The following SPO11 variants were observed in gnomAD, a reference collection of about 807,000 sequenced individuals.
SPO11 encodes the protein SPO11 initiator of meiotic double strand breaks.
SPO11 carries 49 observed loss-of-function variants against 51.6 expected under a neutral mutation model. The observed-to-expected ratio is 0.95, with a 90% CI of 0.75 to 1.20. The LOEUF (loss-of-function observed/expected upper bound fraction) is 1.20, where lower values mean the gene tolerates loss of function less well. SPO11 is among the 50% of genes most tolerant of loss of function. The pLI, the probability that SPO11 is intolerant of heterozygous loss-of-function variation, is 0.00. For missense variants in SPO11, 431 were observed against 473.4 expected, an observed-to-expected ratio of 0.91 and a Z score of 0.83; for synonymous variants, 176 against 158.2, an observed-to-expected ratio of 1.11 and a Z score of -0.84.
chr20:57,336,477 T>G (rs529149151), intron 8 of SPO11, among the ~76,000 whole-genome samples: 1 of 152,320 alleles, frequency 6.6e-6, no homozygotes, highest in African/African-American at 2.4e-5. Flanking sequence ...CACACCAGAC[T>G]TGTCATTTCC....
At chr20:57,332,587 A>G (rs1049158349) in intron 2 of SPO11, among the ~76,000 whole-genome samples, 1 of 152,340 alleles carries the variant, frequency 6.6e-6, no homozygotes, top group Non-Finnish European at 1.5e-5. Flanking sequence ...TTTATGATCT[A>G]TATAAGTAAT....
intron 12 of SPO11, 94 bp downstream of exon 12, chr20:57,342,934 G>A: frequency 1.2e-6 from 1 of 852,508 alleles, no homozygotes; most frequent in Non-Finnish European, 1.9e-6. Context: ...TATCCCTCTT[G>A]AAATTTTATA....
chr20:57,334,108 TA>T lies in SPO11; in HGVS notation c.510+15del. The T allele has an allele frequency of 8.1e-7, 1 of 1,227,130 alleles. No individual in the cohort carries two copies. The highest frequency in any genetic ancestry group is 1.1e-6 in the Non-Finnish European group (1 of 878,140). 76.0% of individuals were successfully genotyped at this position (1,227,130 alleles called of 1,614,324 possible). The stretch of plus-strand genomic sequence containing the variant: ...GAGTCTACATATAGTAAGTAGTACC[TA>T]ATACAAAACATTTTATTTTAAAACA... On this transcript the variant is annotated intron_variant, in intron 5 of 12. Coordinates refer to ENST00000371263, the MANE Select transcript of SPO11 (RefSeq NM_012444.3).
In SPO11 at chr20:57,329,960, C is replaced by G. The variant is rs1347279495; in HGVS notation, c.93C>G (p.Gly31=). The G allele has an allele frequency of 6.2e-7, 1 of 1,611,326 alleles. No individual in the cohort carries two copies. The highest frequency in any genetic ancestry group is 8.5e-7 in the Non-Finnish European group (1 of 1,179,278). The stretch of plus-strand genomic sequence containing the variant: ...TGCTGGCTGCCCTGAGGAGAGGTGG[C>G]AGGGAGCCCCCAACTGGGGGAAGCC... ...ESLLAALRRG[G]REPPTGGSRL... Residue 31 remains glycine (G), a synonymous_variant, in exon 1 of 13, where the codon GGC becomes GGG. Transcript: ENST00000371263.
intron 8 of SPO11, among the ~76,000 whole-genome samples, chr20:57,336,815 A>G (rs1313131193): frequency 6.6e-6 from 1 of 152,230 alleles, no homozygotes; most frequent in African/African-American, 2.4e-5. Context: ...TAAGCACTTG[A>G]CATAGTAAGA....
chr20:57,329,862 G>T lies in SPO11; in HGVS notation c.-6G>T. The T allele has an allele frequency of 6.2e-7, 1 of 1,611,362 alleles. No individual in the cohort carries two copies. Among genetic ancestry groups the T allele is most frequent in the Non-Finnish European group, 8.5e-7 (1 of 1,178,446 alleles). ...CTTCTGGAGCTTCTGGCAGCCGTCT[G>T]CCCTCATGGCCTTTGCACCTATGGG... On this transcript the variant is annotated 5_prime_UTR_variant, in exon 1 of 13. Transcript: ENST00000371263.
At chr20:57,338,149 C>T (rs1203028820) in intron 8 of SPO11, 127 bp from the exon 9 acceptor site, 3 of 727,304 alleles carry the variant, frequency 4.1e-6, no homozygotes, top group Non-Finnish European at 6.7e-6. Context: ...CCTTGGCCTC[C>T]CAACGTGCTG....
intron 11 of SPO11, among the ~76,000 whole-genome samples, chr20:57,340,985 T>G (rs2066574794): frequency 6.6e-6 from 1 of 152,226 alleles, no homozygotes; most frequent in African/African-American, 2.4e-5. Context: ...AAATATCACC[T>G]ACAGATCAGC....
Position 57,343,600 on chromosome 20 carries a change from A to T in SPO11, c.*140A>T, listed in dbSNP as rs16980916. On this transcript the variant is annotated 3_prime_UTR_variant, in exon 13 of 13. Transcript: ENST00000371263. ...TAAAATAACTTTCCGTTAATTATAT[A>T]TTTTTGTCAAAACAAATGCTGTACT... 0.026 allele frequency: 27,239 copies of T among 1,037,604 alleles called. 525 individuals carry two copies. The highest frequency in any genetic ancestry group is 0.089 in the African/African-American group (5,264 of 58,888). 64.3% of individuals were successfully genotyped at this position (1,037,604 alleles called of 1,614,324 possible).
chr20:57,343,076 G>A (rs990996972), intron 12 of SPO11, among the ~76,000 whole-genome samples: 2 of 152,042 alleles, frequency 1.3e-5, no homozygotes, highest in African/African-American at 4.8e-5. Flanking sequence ...ACACATTCTT[G>A]ATGGCTGTAT....
At position 57,338,339 on chromosome 20, in the gene SPO11, G is replaced by A. The variant is rs1351717952; in HGVS notation, c.808G>A (p.Val270Ile). The A allele has an allele frequency of 6.2e-7, 1 of 1,613,722 alleles. No homozygotes were observed. The highest frequency in any genetic ancestry group is 8.5e-7 in the Non-Finnish European group (1 of 1,179,808). ...CAAGAAACTGTGGGATACATTTCATGTTCCTGTTTTCACTCTTGTAGATGC... is the reference window on the plus strand; with the variant it reads ...CAAGAAACTGTGGGATACATTTCATATTCCTGTTTTCACTCTTGTAGATGC... ...LVKKLWDTFH[V>I]PVFTLVDADP... Residue 270 changes from valine to isoleucine, a missense_variant, in exon 9 of 13, where the codon GTT becomes ATT. This residue lies in a region of SPO11 where 405 missense variants were observed against 425.9 expected (regional missense o/e 0.95). Transcript: ENST00000371263.
At position 57,342,369 on chromosome 20, in the gene SPO11, G is replaced by T. The variant is rs371281831; in HGVS notation, c.960-360G>T. Among the ~76,000 whole-genome samples the T allele has an allele frequency of 6.3e-4, 96 of 152,354 alleles. 2 individuals carry two copies. In the East Asian group the frequency reaches 0.017, roughly 27 times the overall value. ...CCAGAAGAGTGTGAAGCTCTGAGAGGCTTAATGTACATTATTAAGCTGCCC... is the reference window on the plus strand; with the variant it reads ...CCAGAAGAGTGTGAAGCTCTGAGAGTCTTAATGTACATTATTAAGCTGCCC... On this transcript the variant is annotated intron_variant, in intron 11 of 12. Transcript: ENST00000371263.
intron 12 of SPO11, among the ~76,000 whole-genome samples, chr20:57,343,067 C>A (rs1369012778): frequency 6.6e-6 from 1 of 152,012 alleles, no homozygotes; most frequent in African/African-American, 2.4e-5. Flanking sequence ...TGGTTATATA[C>A]ACATTCTTGA....
At chr20:57,331,299 A>G (rs956177607) in intron 1 of SPO11, among the ~76,000 whole-genome samples, 2 of 152,254 alleles carry the variant, frequency 1.3e-5, no homozygotes, top group South Asian at 2.1e-4. Flanking sequence ...TTGTATCGCT[A>G]AATTTCAAAA....
chr20:57,339,132 A>G (rs1024901678), intron 10 of SPO11, 106 bp downstream of exon 10: 7 of 663,288 alleles, frequency 1.1e-5, no homozygotes, highest in Admixed American at 6.7e-5. Flanking sequence ...GAGAGTGCCC[A>G]AAGTGTACCT....
chr20:57,338,907 TATAG>T (rs1568762598), intron 9 of SPO11, 78 bp from the exon 10 acceptor site: 4 of 868,716 alleles, frequency 4.6e-6, no homozygotes, highest in East Asian at 5.5e-5. Flanking sequence ...AAATTAAAAT[TATAG>T]ATAGATAAAA....
At position 57,338,387 on chromosome 20, in the gene SPO11, C is replaced by G. The variant is rs2066539191; in HGVS notation, c.844+12C>G. ...TGCTGATCCACATGGTAATTTATCA[C>G]TGGACTATTTACAACAATAGTCATA... is the stretch of plus-strand genomic sequence containing the variant. On this transcript the variant is annotated intron_variant, in intron 9 of 12. Transcript: ENST00000371263. The G allele has an allele frequency of 6.6e-7, 1 of 1,524,332 alleles. No homozygotes were observed. The highest frequency in any genetic ancestry group is 1.7e-5 in the Admixed American group (1 of 59,110). The allele number at this position is 1,524,332 out of a possible 1,614,324, so 94.4% of individuals were successfully genotyped here.
rs533167154 is a variant in SPO11, at chr20:57,335,708, T to G, written c.635-90T>G. 24 of 800,200 alleles carry G rather than the reference T, an allele frequency of 3.0e-5. No individual in the cohort carries two copies. In the African/African-American group the frequency reaches 4.2e-4, roughly 14 times the overall value. The allele number at this position is 800,200 out of a possible 1,614,324, so 49.6% of individuals were successfully genotyped here. ...CAAACTAAAATGTTGTATCTATAGCTGCTTTTGAATTATCTATATGGCACC... is the reference window on the plus strand; with the variant it reads ...CAAACTAAAATGTTGTATCTATAGCGGCTTTTGAATTATCTATATGGCACC... On this transcript the variant is annotated intron_variant, in intron 7 of 12. Coordinates refer to ENST00000371263, the MANE Select transcript of SPO11 (RefSeq NM_012444.3).
At chr20:57,336,544 A>G (rs1323298894) in intron 8 of SPO11, among the ~76,000 whole-genome samples, 2 of 152,134 alleles carry the variant, frequency 1.3e-5, no homozygotes, top group Non-Finnish European at 2.9e-5. Flanking sequence ...CCAAATCTGG[A>G]TGCCTCTGTG....
Sources: allele counts gnomAD v4.1 joint callset (sites outside exome capture counted in the v4.1 genomes callset), GRCh38; gene constraint gnomAD v4.1.1; regional missense constraint gnomAD v4.1.1; transcripts MANE v1.5; gene names NCBI Gene and HGNC (gene_info 2026-07-23, HGNC 2026-07-21).